ZNF250: variants seen among roughly 807,000 people sequenced by gnomAD.
ZNF250 encodes zinc finger protein 250.
A neutral mutation model predicts 37.1 loss-of-function variants in ZNF250; 13 were observed. That is an observed-to-expected ratio of 0.35 (90% CI 0.23 to 0.56). The LOEUF (loss-of-function observed/expected upper bound fraction) is 0.56. ZNF250 is among the 20% of genes least tolerant of loss of function. The probability of loss-of-function intolerance (pLI) is 0.87; values close to 1 mark genes in which losing one functional copy is unlikely to be tolerated. For missense variants in ZNF250, 474 were observed against 697.9 expected (o/e 0.68, Z 3.61); for synonymous variants, 251 against 265.6 (o/e 0.94, Z 0.54).
chr8:144,884,954 C>T (rs923124419), intron 5 of ZNF250, among the ~76,000 whole-genome samples: 1 of 152,004 alleles, frequency 6.6e-6, no homozygotes. Context: ...ATTTATTGGC[C>T]CTTTGGTTTT....
chr8:144,897,538 A>G lies in ZNF250; in HGVS notation c.-55+3861T>C, dbSNP rs1322767198. 6.6e-6 allele frequency among the ~76,000 whole-genome samples: 1 copy of G among 152,242 alleles called. No homozygotes were observed. The highest frequency in any genetic ancestry group is 1.5e-5 in the Non-Finnish European group (1 of 68,032). ...GTAATCCCAGCACTTTGGGAGGCCA[A>G]GGTGGGTGGATCACCTGAGGTCAGG... On this transcript the variant is annotated intron_variant, in intron 1 of 5. Transcript: ENST00000417550. This position sits in a 1 kb window ranked among gnomAD's most constrained non-coding sequence, Gnocchi z 5.2.
intron 1 of ZNF250, among the ~76,000 whole-genome samples, chr8:144,894,810 C>T (rs896377709): frequency 3.4e-5 from 5 of 145,152 alleles, no homozygotes; most frequent in African/African-American, 5.1e-5. Context: ...GGTTGCACCA[C>T]CATGCCTGGA....
At position 144,882,152 on chromosome 8, in the gene ZNF250, C is replaced by T; in HGVS notation, c.1031G>A (p.Ser344Asn). 1 of 1,614,028 alleles carries T rather than the reference C, an allele frequency of 6.2e-7. No individual in the cohort carries two copies. Among genetic ancestry groups the T allele is most frequent in the Non-Finnish European group, 8.5e-7 (1 of 1,179,994 alleles). Residue 344 changes from serine to asparagine, a missense_variant, in exon 6 of 6, where the codon AGT (serine) becomes AAT (asparagine). By Grantham distance (46) the Ser-to-Asn change is conservative. This residue lies in a region of ZNF250 where 282 missense variants were observed against 470.4 expected (regional missense o/e 0.60). Coordinates refer to ENST00000417550, the MANE Select transcript of ZNF250 (RefSeq NM_001109689.4). The surrounding 1 kb of genome is among the most constrained non-coding windows in gnomAD (Gnocchi z 5.5). Reference sequence around the variant, plus strand: ...GTGCTGCAGCAGTGTCCTCTTCACACTGAAGGTTTTCCCACACTCATTGCA... The same window carrying T: ...GTGCTGCAGCAGTGTCCTCTTCACATTGAAGGTTTTCCCACACTCATTGCA... ...HRCNECGKTFSVKRTLLQHQR... is the reference protein window; with the variant it reads ...HRCNECGKTFNVKRTLLQHQR...
chr8:144,885,089 T>A (rs1244812968), intron 5 of ZNF250, among the ~76,000 whole-genome samples: 2 of 152,224 alleles, frequency 1.3e-5, no homozygotes, highest in Non-Finnish European at 1.5e-5. Context: ...ACAGTTTTTT[T>A]AATAAAAAAA....
chr8:144,881,418 C>G lies in ZNF250; in HGVS notation c.*97G>C. 1 of 1,451,084 alleles carries G rather than the reference C, an allele frequency of 6.9e-7. No homozygotes were observed. Among genetic ancestry groups the G allele is most frequent in the Non-Finnish European group, 9.1e-7 (1 of 1,098,430 alleles). 89.9% of individuals were successfully genotyped at this position (1,451,084 alleles called of 1,614,324 possible). On this transcript the variant is annotated 3_prime_UTR_variant, in exon 6 of 6. Coordinates refer to ENST00000417550, the MANE Select transcript of ZNF250 (RefSeq NM_001109689.4). ...GTGACACTGAATCGCCAAAGAAAAG[C>G]TTCCTATAGAGTTAACAGAGACTTC...
In ZNF250 at chr8:144,886,834, A is replaced by C; in HGVS notation, c.346+6T>G. On this transcript the variant is annotated splice_donor_region_variant and intron_variant, in intron 5 of 5. Transcript: ENST00000417550. Reference sequence around the variant, plus strand: ...ACTGAATTAAAAAGATCAGGCATACACTTACCCCATGGACAAGATAAACTG... The same window carrying C: ...ACTGAATTAAAAAGATCAGGCATACCCTTACCCCATGGACAAGATAAACTG... The C allele has an allele frequency of 1.9e-6, 3 of 1,612,712 alleles. No individual in the cohort carries two copies. In the South Asian group the frequency reaches 3.3e-5, roughly 18 times the overall value.
In ZNF250 at chr8:144,882,252, A is replaced by T; in HGVS notation, c.931T>A (p.Cys311Ser). 1 of 1,614,042 alleles carries T rather than the reference A, an allele frequency of 6.2e-7. No individual in the cohort carries two copies. Among genetic ancestry groups the T allele is most frequent in the Non-Finnish European group, 8.5e-7 (1 of 1,179,960 alleles). Residue 311 changes from cysteine (C) to serine (S), a missense_variant, in exon 6 of 6, where the codon TGT becomes AGT. Physicochemically the swap from Cys to Ser is moderately radical, Grantham distance 112. This residue lies in a region of ZNF250 where 282 missense variants were observed against 470.4 expected (regional missense o/e 0.60). Transcript: ENST00000417550. This position sits in a 1 kb window ranked among gnomAD's most constrained non-coding sequence, Gnocchi z 5.5. ...GTGCTATGGTTGAAGGCTTTCCCAC[A>T]CAACGGACACACATATGGCCTTTCT... is the stretch of plus-strand genomic sequence containing the variant. ...TGERPYVCPL[C>S]GKAFNHSTVL...
chr8:144,892,576 CAG>C (rs1004689033), intron 1 of ZNF250, among the ~76,000 whole-genome samples: 2 of 151,214 alleles, frequency 1.3e-5, no homozygotes, highest in Non-Finnish European at 2.9e-5. Context: ...TTTTTTGAGA[CAG>C]AGTTTCACTC....
At chr8:144,887,916 A>G (rs776854255) in intron 4 of ZNF250, among the ~76,000 whole-genome samples, 117 of 152,336 alleles carry the variant, frequency 7.7e-4, no homozygotes, top group Middle Eastern at 3.4e-3. Flanking sequence ...TGCCCTATCC[A>G]CATAAAGCTA....
At chr8:144,886,972 C>A (rs1160738682) in intron 4 of ZNF250, 70 bp from the exon 5 acceptor site, 22 of 1,394,098 alleles carry the variant, frequency 1.6e-5, no homozygotes, top group Non-Finnish European at 2.2e-5. Flanking sequence ...CCTGGCCGGG[C>A]ATGGTGGCTC....
intron 5 of ZNF250, among the ~76,000 whole-genome samples, chr8:144,884,417 A>G (rs1335497301): frequency 6.6e-6 from 1 of 152,080 alleles, no homozygotes; most frequent in Admixed American, 6.6e-5. Context: ...ATGGCTGGCT[A>G]ATTTTTTTGT....
chr8:144,882,027 C>T lies in ZNF250; in HGVS notation c.1156G>A (p.Gly386Arg), dbSNP rs1341022117. 11 of 1,614,034 alleles carry T rather than the reference C, an allele frequency of 6.8e-6. No individual in the cohort carries two copies. The highest frequency in any genetic ancestry group is 3.3e-5 in the South Asian group (3 of 91,080). The stretch of plus-strand genomic sequence containing the variant: ...TCACTGCACTCATAGGGCTTCTCCC[C>T]GGTGTGCACGTTGTGGTGCTGAATG... ...VLIQHHNVHT[G>R]EKPYECSECG... Residue 386 changes from glycine (G) to arginine (R), a missense_variant, in exon 6 of 6, where the codon GGG (glycine) becomes AGG (arginine). Gly to Arg is a moderately radical substitution (Grantham distance 125). This residue lies in a region of ZNF250 where 282 missense variants were observed against 470.4 expected (regional missense o/e 0.60). Coordinates refer to ENST00000417550, the MANE Select transcript of ZNF250 (RefSeq NM_001109689.4). This position sits in a 1 kb window ranked among gnomAD's most constrained non-coding sequence, Gnocchi z 5.5.
At position 144,882,364 on chromosome 8, in the gene ZNF250, T is replaced by A; in HGVS notation, c.819A>T (p.Thr273=). Reference sequence around the variant, plus strand: ...CAAGACATTCGTGAGGCTTCTCTCCTGTATGTATCTTGTGATGCTGAGCAA... The same window carrying A: ...CAAGACATTCGTGAGGCTTCTCTCCAGTATGTATCTTGTGATGCTGAGCAA... ...SDLAQHHKIH[T]GEKPHECLEC... is the part of the protein sequence containing the mutation. The change falls in exon 6 of 6, where the codon ACA becomes ACT. Residue 273 remains threonine (T), a synonymous_variant. Coordinates refer to ENST00000417550, the MANE Select transcript of ZNF250 (RefSeq NM_001109689.4). This position sits in a 1 kb window ranked among gnomAD's most constrained non-coding sequence, Gnocchi z 5.5. 6.2e-7 allele frequency: 1 copy of A among 1,613,974 alleles called. No individual in the cohort carries two copies. The highest frequency in any genetic ancestry group is 1.1e-5 in the South Asian group (1 of 91,074).
In ZNF250 at chr8:144,893,328, G is replaced by A. The variant is rs924576911; in HGVS notation, c.-54-2925C>T. ...TCCATGGGTCACCCACCAGCGCACAGATCTGCCATTTCTTTATTTTGAAAC... is the reference window on the plus strand; with the variant it reads ...TCCATGGGTCACCCACCAGCGCACAAATCTGCCATTTCTTTATTTTGAAAC... On this transcript the variant is annotated intron_variant, in intron 1 of 5. Coordinates refer to ENST00000417550, the MANE Select transcript of ZNF250 (RefSeq NM_001109689.4). 5.9e-5 allele frequency among the ~76,000 whole-genome samples: 9 copies of A among 151,990 alleles called. 1 individual carries two copies. The highest frequency in any genetic ancestry group is 6.8e-3 in the Middle Eastern group (2 of 294).
At chr8:144,901,758 G>A (rs60938469), upstream of ZNF250, 8,928 of 152,918 alleles carry the variant, frequency 0.058, 850 homozygotes, top group African/African-American at 0.2. The surrounding 1 kb of genome is among the most constrained non-coding windows in gnomAD (Gnocchi z 5.4). Context: ...CCCGCTCGCA[G>A]TCCCGGTTCC....
At chr8:144,893,037 AT>A (rs1832458681) in intron 1 of ZNF250, among the ~76,000 whole-genome samples, 2 of 149,898 alleles carry the variant, frequency 1.3e-5, no homozygotes, top group Non-Finnish European at 3.0e-5. Flanking sequence ...TTTTTTAAAT[AT>A]TTTTAGTAGA....
chr8:144,887,953 G>A (rs1474789521), intron 4 of ZNF250, among the ~76,000 whole-genome samples: 1 of 152,212 alleles, frequency 6.6e-6, no homozygotes, highest in Non-Finnish European at 1.5e-5. Flanking sequence ...GAGCTTTCAA[G>A]GGGAAAACCA....
intron 1 of ZNF250, among the ~76,000 whole-genome samples, chr8:144,892,561 T>G (rs1832417519): frequency 6.8e-6 from 1 of 146,352 alleles, no homozygotes; most frequent in Non-Finnish European, 1.5e-5. Flanking sequence ...TTTTTGTTTG[T>G]TTTTTTTTTT....
At chr8:144,893,935 C>T (rs1036529871) in intron 1 of ZNF250, among the ~76,000 whole-genome samples, 8 of 152,082 alleles carry the variant, frequency 5.3e-5, no homozygotes, top group Admixed American at 3.3e-4. Context: ...CCAGCTTTTC[C>T]GAGAAGCTGC....
Sources: allele counts gnomAD v4.1 joint callset (sites outside exome capture counted in the v4.1 genomes callset), GRCh38; gene constraint gnomAD v4.1.1; regional missense constraint gnomAD v4.1.1; non-coding constraint Gnocchi (gnomAD v3.1); transcripts MANE v1.5; gene names NCBI Gene and HGNC (gene_info 2026-07-23, HGNC 2026-07-21).